TENM1: variants seen among roughly 807,000 people sequenced by gnomAD.
TENM1 encodes teneurin-1.
A neutral mutation model predicts 174.8 loss-of-function variants in TENM1; 35 were observed. That is an observed-to-expected ratio of 0.20 (90% CI 0.15 to 0.27). The LOEUF (loss-of-function observed/expected upper bound fraction) is 0.27, where lower values mean the gene tolerates loss of function less well. Among genes scored for constraint, TENM1 ranks in the 10% least tolerant of loss-of-function variants. TENM1 has a pLI of 1.00. For synonymous variants in TENM1, 781 were observed against 798.7 expected, an observed-to-expected ratio of 0.98 and a Z score of 0.37; for missense variants, 1,633 against 2,130.1, an observed-to-expected ratio of 0.77 and a Z score of 4.59.
At chrX:125,142,100 C>A in the TENM1 span, among the ~76,000 whole-genome samples, 2 of 112,185 alleles carry the variant, frequency 1.8e-5, no homozygotes, top group Non-Finnish European at 3.8e-5. Context: ...CACTTTCTAT[C>A]CACACAGCAA....
At chrX:124,643,973 C>G (rs2148377115) in intron 10 of TENM1, among the ~76,000 whole-genome samples, 1 of 103,914 alleles carries the variant, frequency 9.6e-6, no homozygotes, top group East Asian at 3.0e-4. Flanking sequence ...CATAAAAACA[C>G]TTTCTGAAAG....
chrX:124,575,899 T>C (rs1196009533), intron 11 of TENM1, among the ~76,000 whole-genome samples: 1 of 111,746 alleles, frequency 8.9e-6, no homozygotes, highest in Non-Finnish European at 1.9e-5. Context: ...AGCTACAGAC[T>C]GCAAGAGCAT....
chrX:125,177,342 T>C, the TENM1 span, among the ~76,000 whole-genome samples: 1 of 111,904 alleles, frequency 8.9e-6, no homozygotes, highest in African/African-American at 3.2e-5. Flanking sequence ...TCATATGAGT[T>C]GAACAGTTTC....
At chrX:124,643,321 T>A (rs974241841) in intron 10 of TENM1, among the ~76,000 whole-genome samples, 1 of 111,173 alleles carries the variant, frequency 9.0e-6, no homozygotes, top group Middle Eastern at 4.2e-3. Context: ...CACAAAATCA[T>A]ATGGCTAAAG....
chrX:125,052,245 G>C, the TENM1 span, among the ~76,000 whole-genome samples: 1 of 111,527 alleles, frequency 9.0e-6, no homozygotes, highest in African/African-American at 3.3e-5. Flanking sequence ...AGTAATCAGT[G>C]AAGCAAACAA....
chrX:124,920,433 G>A (rs190649578), intron 1 of TENM1, among the ~76,000 whole-genome samples: 1 of 111,219 alleles, frequency 9.0e-6, no homozygotes, highest in Admixed American at 9.5e-5. Context: ...CACACATTTA[G>A]CTTATTTCCA....
the TENM1 span, among the ~76,000 whole-genome samples, chrX:125,187,281 C>A: frequency 6.9e-3 from 770 of 112,055 alleles, 8 homozygotes; most frequent in Non-Finnish European, 9.6e-3. Context: ...AGAAAAAAGT[C>A]ATTTATTAGT....
At chrX:124,888,482 C>A (rs976847048) in intron 3 of TENM1, among the ~76,000 whole-genome samples, 2 of 111,893 alleles carry the variant, frequency 1.8e-5, no homozygotes, top group Non-Finnish European at 1.9e-5. Flanking sequence ...AACTTCCTCT[C>A]ACAGTCTTCT....
At chrX:125,026,182 G>A in the TENM1 span, among the ~76,000 whole-genome samples, 150 of 98,175 alleles carry the variant, frequency 1.5e-3, 1 homozygote, top group Middle Eastern at 5.2e-3. Flanking sequence ...AATAAATAAA[G>A]AAGGAGAAAA....
At chrX:125,009,880 T>C in the TENM1 span, among the ~76,000 whole-genome samples, 1 of 111,529 alleles carries the variant, frequency 9.0e-6, no homozygotes, top group Admixed American at 9.5e-5. Flanking sequence ...ATGGAACATA[T>C]CTCAAAATAA....
At chrX:124,451,442 A>C (rs959401255) in intron 23 of TENM1, among the ~76,000 whole-genome samples, 5 of 112,095 alleles carry the variant, frequency 4.5e-5, no homozygotes, top group Admixed American at 2.8e-4. Context: ...AAGATGTCTA[A>C]AGAGACTTCG....
At position 124,777,190 on chromosome X, in the gene TENM1, C is replaced by T. The variant is rs756992594; in HGVS notation, c.536-39993G>A. 3.6e-5 allele frequency among the ~76,000 whole-genome samples: 4 copies of T among 111,527 alleles called. No individual in the cohort carries two copies. The South Asian group carries it at 1.5e-3, about 43-fold the overall frequency. ...TAAAATTAAATAAAACTCCTGTATA[C>T]TAATACTAACTTTCTGCTTACTGCT... On this transcript the variant is annotated intron_variant, in intron 3 of 31. Coordinates refer to ENST00000422452, the Ensembl canonical transcript of TENM1.
intron 4 of TENM1, among the ~76,000 whole-genome samples, chrX:124,723,744 G>T (rs2053380983): frequency 9.1e-6 from 1 of 109,640 alleles, no homozygotes; most frequent in South Asian, 4.0e-4. Context: ...GGGAATACAG[G>T]CGTGTGCCAC....
At chrX:124,584,367 T>A (rs1316987643) in intron 11 of TENM1, among the ~76,000 whole-genome samples, 1 of 109,812 alleles carries the variant, frequency 9.1e-6, no homozygotes, top group African/African-American at 3.4e-5. Flanking sequence ...CAGAAGAGAG[T>A]GGGGGCCAAT....
chrX:124,681,636 G>A (rs1355764555), intron 5 of TENM1, among the ~76,000 whole-genome samples: 1 of 111,399 alleles, frequency 9.0e-6, no homozygotes, highest in Non-Finnish European at 1.9e-5. Context: ...ATAATAAAGA[G>A]CAGGGACTCT....
intron 1 of TENM1, among the ~76,000 whole-genome samples, chrX:124,931,871 GCACACACACA>G (rs34069865): frequency 9.8e-6 from 1 of 102,041 alleles, no homozygotes. Context: ...CCAAGCGCAC[GCACACACACA>G]CACACACACA....
chrX:124,489,083 C>T (rs1272996988), intron 20 of TENM1, among the ~76,000 whole-genome samples: 2 of 112,582 alleles, frequency 1.8e-5, no homozygotes, highest in Non-Finnish European at 3.8e-5. Context: ...TAGGACTGAG[C>T]CACCACCAAA....
chrX:124,620,457 G>A (rs1271185102), intron 11 of TENM1, among the ~76,000 whole-genome samples: 1 of 111,986 alleles, frequency 8.9e-6, no homozygotes, highest in Non-Finnish European at 1.9e-5. Flanking sequence ...ACCTTGTGGA[G>A]ATATTAAATA....
chrX:124,862,861 G>A (rs1291972237), intron 3 of TENM1, among the ~76,000 whole-genome samples: 1 of 107,595 alleles, frequency 9.3e-6, no homozygotes, highest in Non-Finnish European at 1.9e-5. Flanking sequence ...CTCCAAAAGA[G>A]ACCCCTTCCT....
Sources: allele counts gnomAD v4.1 joint callset (sites outside exome capture counted in the v4.1 genomes callset), GRCh38; gene constraint gnomAD v4.1.1; transcripts MANE v1.5; gene names NCBI Gene and HGNC (gene_info 2026-07-23, HGNC 2026-07-21).